Variants in NPC1L1 observed in about 807,000 individuals in gnomAD.
NPC1L1 encodes the protein NPC1-like intracellular cholesterol transporter 1.
NPC1L1 carries 98 observed loss-of-function variants against 117.0 expected under a neutral mutation model. That is an observed-to-expected ratio of 0.84 (90% CI 0.71 to 0.99). The LOEUF is 0.99. NPC1L1 is among the 50% of genes least tolerant of loss of function. NPC1L1 has a pLI of 0.00. For missense variants in NPC1L1, 1,540 were observed against 1,710.0 expected (o/e 0.90, Z 1.75); for synonymous variants, 729 against 727.6 (o/e 1.00, Z -0.03).
intron 10 of NPC1L1, among the ~76,000 whole-genome samples, chr7:44,529,075 A>AG (rs1248030533): frequency 2.0e-5 from 3 of 149,912 alleles, no homozygotes; most frequent in Non-Finnish European, 4.4e-5. Context: ...CATCTCAAAA[A>AG]AAAAAAAGAA....
intron 14 of NPC1L1, among the ~76,000 whole-genome samples, chr7:44,517,676 A>T (rs868775582): frequency 2.0e-5 from 3 of 152,208 alleles, no homozygotes; most frequent in Non-Finnish European, 2.9e-5. Flanking sequence ...TTGGATTTTT[A>T]AAATTAACTT....
In NPC1L1 at chr7:44,535,867, G is replaced by T. The variant is rs1282078676; in HGVS notation, c.1956C>A (p.Gly652=). 1 of 1,613,358 alleles carries T rather than the reference G, an allele frequency of 6.2e-7. No homozygotes were observed. The highest frequency in any genetic ancestry group is 1.7e-5 in the Admixed American group (1 of 60,024). Residue 652 remains glycine, a synonymous_variant, in exon 5 of 19, where the codon GGC becomes GGA. Transcript: ENST00000381160. The part of the protein sequence containing the change: ...VIFLYISLAL[G]SYSSWSRVMV... Reference sequence around the variant, plus strand: ...TCACTCGGCTCCAGCTGGAATAGCTGCCCAGGGCCAGAGAGATGTACAGGA... The same window carrying T: ...TCACTCGGCTCCAGCTGGAATAGCTTCCCAGGGCCAGAGAGATGTACAGGA...
At position 44,521,776 on chromosome 7, in the gene NPC1L1, C is replaced by T. The variant is rs144720939; in HGVS notation, c.2889G>A (p.Pro963=). 56 of 1,614,072 alleles carry T rather than the reference C, an allele frequency of 3.5e-5. No individual in the cohort carries two copies. The highest frequency in any genetic ancestry group is 2.9e-4 in the East Asian group (13 of 44,868). The change falls in exon 12 of 19, where the codon CCG becomes CCA. Residue 963 remains proline (P), a synonymous_variant. Transcript: ENST00000381160. The stretch of plus-strand genomic sequence containing the variant: ...ATATATAAAGGCGGCAGCAGGAGGA[C>T]GGGGTCAGCCAGTCAATGAAGTCAT... ...WVDDFIDWLT[P]SSCCRLYISG...
At chr7:44,527,461 C>CAAAAAAAAAA (rs1160435212) in intron 10 of NPC1L1, among the ~76,000 whole-genome samples, 1 of 40,102 alleles carries the variant, frequency 2.5e-5, no homozygotes, top group Non-Finnish European at 4.9e-5. Flanking sequence ...AACAACTTCT[C>CAAAAAAAAAA]AAAAAAAAAA....
Position 44,535,871 on chromosome 7 carries a change from A to G in NPC1L1, c.1952T>C (p.Leu651Pro). Reference sequence around the variant, plus strand: ...TCGGCTCCAGCTGGAATAGCTGCCCAGGGCCAGAGAGATGTACAGGAATAT... The same window carrying G: ...TCGGCTCCAGCTGGAATAGCTGCCCGGGGCCAGAGAGATGTACAGGAATAT... ...IVIFLYISLA[L>P]GSYSSWSRVM... is the part of the protein sequence containing the mutation. Residue 651 changes from leucine to proline, a missense_variant, in exon 5 of 19, where the codon CTG becomes CCG. Transcript: ENST00000381160. The G allele has an allele frequency of 6.2e-7, 1 of 1,613,422 alleles. No homozygotes were observed. The highest frequency in any genetic ancestry group is 1.3e-5 in the African/African-American group (1 of 75,042).
At position 44,539,715 on chromosome 7, in the gene NPC1L1, C is replaced by G. The variant is rs201075372; in HGVS notation, c.682G>C (p.Ala228Pro). The G allele has an allele frequency of 1.1e-5, 18 of 1,613,992 alleles. No individual in the cohort carries two copies. Among genetic ancestry groups the G allele is most frequent in the Non-Finnish European group, 1.5e-5 (18 of 1,180,044 alleles). The change falls in exon 2 of 19, where the codon GCC becomes CCC. Residue 228 changes from alanine (A) to proline (P), a missense_variant. Physicochemically the swap from Ala to Pro is conservative, Grantham distance 27 (BLOSUM62 -1). Transcript: ENST00000381160. This position sits in a 1 kb window ranked among gnomAD's most constrained non-coding sequence, Gnocchi z 4.4. The stretch of plus-strand genomic sequence containing the variant: ...AGAGGCTGAATCCCACTCCCCACGG[C>G]CTGGCCAGGCTCCAAGAGGTGGAAG... ...ITFHLLEPGQ[A>P]VGSGIQPLNE...
In NPC1L1 at chr7:44,513,653, C is replaced by A. The variant is rs141009677; in HGVS notation, c.3797-4G>T. The A allele has an allele frequency of 4.3e-6, 7 of 1,611,672 alleles. No homozygotes were observed. The Admixed American group carries it at 5.0e-5, about 12-fold the overall frequency. ...AGAGCCGGGTTAACGTCAGGCCCTG[C>A]GGAGAGACAGAGAACCACAGTCAGA... On this transcript the variant is annotated splice_region_variant and splice_polypyrimidine_tract_variant and intron_variant, in intron 18 of 18. Transcript: ENST00000381160.
At position 44,539,650 on chromosome 7, in the gene NPC1L1, G is replaced by A. The variant is rs148698796; in HGVS notation, c.747C>T (p.Asp249=). The A allele has an allele frequency of 1.8e-4, 291 of 1,613,846 alleles. No homozygotes were observed. Among genetic ancestry groups the A allele is most frequent in the Non-Finnish European group, 2.1e-4 (245 of 1,180,026 alleles). The change falls in exon 2 of 19, where the codon GAC becomes GAT. Residue 249 remains aspartate (D), a synonymous_variant. Coordinates refer to ENST00000381160, the MANE Select transcript of NPC1L1 (RefSeq NM_001101648.2). The surrounding 1 kb of genome is among the most constrained non-coding windows in gnomAD (Gnocchi z 4.4). ...CTTGGCAGGAGCAGGTCGCCACGTC[G>A]TCACCTTGGGACTCATTGCAACGTG... The part of the protein sequence containing the change: ...GVARCNESQG[D]DVATCSCQDC...
chr7:44,513,414 G>A lies in NPC1L1; in HGVS notation c.*33C>T, dbSNP rs1458303070. ...AGATCCCCATAACCCTTTGGTTCAG[G>A]GCCATAGAGCCTAGACAGGGCCTCT... On this transcript the variant is annotated 3_prime_UTR_variant, in exon 19 of 19. Coordinates refer to ENST00000381160, the MANE Select transcript of NPC1L1 (RefSeq NM_001101648.2). 1.9e-6 allele frequency: 3 copies of A among 1,599,176 alleles called. No individual in the cohort carries two copies. Among genetic ancestry groups the A allele is most frequent in the Non-Finnish European group, 2.6e-6 (3 of 1,166,608 alleles).
intron 18 of NPC1L1, among the ~76,000 whole-genome samples, chr7:44,514,031 C>T (rs2117014182): frequency 6.6e-6 from 1 of 152,334 alleles, no homozygotes; most frequent in East Asian, 1.9e-4. Flanking sequence ...AACCACAGAG[C>T]TGTGTGGGCT....
chr7:44,520,957 C>G (rs1427414699), intron 13 of NPC1L1, 35 bp downstream of exon 13: 4 of 1,614,074 alleles, frequency 2.5e-6, no homozygotes, highest in African/African-American at 1.3e-5. Flanking sequence ...TCCCACATGT[C>G]TGTCCTCCCC....
chr7:44,522,169 G>T lies in NPC1L1; in HGVS notation c.2711C>A (p.Thr904Asn), dbSNP rs1452990061. ...FEVGAPVYFV[T>N]TLGYNFSSEA... ...GCTGGAGAAGTTGTAGCCCAAGGTGGTAACAAAGTACACCGGGGCCCCCAC... is the reference window on the plus strand; with the variant it reads ...GCTGGAGAAGTTGTAGCCCAAGGTGTTAACAAAGTACACCGGGGCCCCCAC... The change falls in exon 11 of 19, where the codon ACC (threonine) becomes AAC (asparagine). Residue 904 changes from threonine to asparagine, a missense_variant. By Grantham distance (65) the Thr-to-Asn change is moderately conservative (BLOSUM62 0). Coordinates refer to ENST00000381160, the MANE Select transcript of NPC1L1 (RefSeq NM_001101648.2). 1 of 1,613,984 alleles carries T rather than the reference G, an allele frequency of 6.2e-7. No individual in the cohort carries two copies. Among genetic ancestry groups the T allele is most frequent in the Non-Finnish European group, 8.5e-7 (1 of 1,179,936 alleles).
chr7:44,534,427 G>C lies in NPC1L1; in HGVS notation c.2166+20C>G, dbSNP rs560779240. 4.4e-5 allele frequency: 71 copies of C among 1,613,588 alleles called. 1 individual carries two copies. The South Asian group carries it at 7.2e-4, about 16-fold the overall frequency. On this transcript the variant is annotated intron_variant, in intron 6 of 18. Coordinates refer to ENST00000381160, the MANE Select transcript of NPC1L1 (RefSeq NM_001101648.2). The surrounding 1 kb of genome is among the most constrained non-coding windows in gnomAD (Gnocchi z 5.2). Reference sequence around the variant, plus strand: ...AGAAGAGTGGGCAGTTGGGGGTGTGGAGAGCTCCTCCCTTCTTACCTGGTA... The same window carrying C: ...AGAAGAGTGGGCAGTTGGGGGTGTGCAGAGCTCCTCCCTTCTTACCTGGTA...
chr7:44,528,905 C>CA (rs1032168692), intron 10 of NPC1L1, among the ~76,000 whole-genome samples: 3 of 151,102 alleles, frequency 2.0e-5, no homozygotes, highest in African/African-American at 7.3e-5. Flanking sequence ...CCTGTCTCTA[C>CA]AAAAAATACA....
intron 9 of NPC1L1, 71 bp downstream of exon 9, chr7:44,532,009 C>T: frequency 6.2e-7 from 1 of 1,610,744 alleles, no homozygotes; most frequent in Non-Finnish European, 8.5e-7. Flanking sequence ...TCCCCACCTC[C>T]AACCCTGCTC....
intron 8 of NPC1L1, 53 bp from the exon 9 acceptor site, chr7:44,532,270 G>A (rs994911582): frequency 1.5e-5 from 24 of 1,610,268 alleles, no homozygotes; most frequent in South Asian, 2.2e-5. Flanking sequence ...AAGGCCCCAG[G>A]GACCACCTTC....
chr7:44,528,865 T>C (rs763713480), intron 10 of NPC1L1, among the ~76,000 whole-genome samples: 1 of 151,946 alleles, frequency 6.6e-6, no homozygotes. Flanking sequence ...AGTCAGGAGT[T>C]TGAGGCCAGC....
chr7:44,537,072 G>T, intron 2 of NPC1L1, 130 bp from the exon 3 acceptor site: 1 of 688,334 alleles, frequency 1.5e-6, no homozygotes, highest in Non-Finnish European at 2.5e-6. Context: ...GGGGACACTG[G>T]CTGCAGATAG....
At chr7:44,533,284 A>G in intron 8 of NPC1L1, 147 bp downstream of exon 8, 1 of 904,656 alleles carries the variant, frequency 1.1e-6, no homozygotes. Context: ...TGGAGAATAC[A>G]TGGCCTAAAT....
Sources: gnomAD v4.1 joint callset for allele counts (sites outside exome capture counted in the v4.1 genomes callset) on GRCh38, gnomAD v4.1.1 for gene constraint, Gnocchi (gnomAD v3.1) non-coding constraint, MANE v1.5 for transcripts, NCBI Gene and HGNC (gene_info 2026-07-23, HGNC 2026-07-21) for gene names.